Variants in DSCC1 observed in about 807,000 individuals in gnomAD.
DSCC1 encodes the protein DNA replication and sister chromatid cohesion 1, also known as sister chromatid cohesion protein DCC1.
In DSCC1, 32 loss-of-function variants were observed where a neutral mutation model predicts 48.2. The observed-to-expected ratio is 0.66, with a 90% CI of 0.50 to 0.89. The LOEUF (loss-of-function observed/expected upper bound fraction) is 0.89, where lower values mean the gene tolerates loss of function less well. DSCC1 is among the 40% of genes least tolerant of loss of function. DSCC1 has a pLI of 0.00. For missense variants in DSCC1, 421 were observed against 471.7 expected (o/e 0.89, Z 1.00); for synonymous variants, 150 against 171.5 (o/e 0.87, Z 0.98).
At chr8:119,850,610 AC>A (rs1826930415) in intron 2 of DSCC1, 94 bp from the exon 3 acceptor site, 1 of 1,166,234 alleles carries the variant, frequency 8.6e-7, no homozygotes, top group African/African-American at 1.6e-5. Flanking sequence ...CTCAACAAGT[AC>A]AAAGGAAGCT....
chr8:119,846,794 A>G (rs1168890010), intron 4 of DSCC1, among the ~76,000 whole-genome samples, 196 bp downstream of exon 4: 1 of 152,190 alleles, frequency 6.6e-6, no homozygotes, highest in Non-Finnish European at 1.5e-5. Flanking sequence ...TCCTGGCCTC[A>G]AGTATCTGCC....
chr8:119,837,052 A>C (rs984038616), intron 8 of DSCC1, among the ~76,000 whole-genome samples: 2 of 152,216 alleles, frequency 1.3e-5, no homozygotes, highest in Non-Finnish European at 2.9e-5. Flanking sequence ...GGTAAAGGAA[A>C]GAATGGGAGG....
At chr8:119,837,926 A>C (rs1826710257) in intron 8 of DSCC1, among the ~76,000 whole-genome samples, 1 of 152,190 alleles carries the variant, frequency 6.6e-6, no homozygotes, top group African/African-American at 2.4e-5. Context: ...ATGTTAAATA[A>C]AGTAAGGCAT....
Position 119,841,495 on chromosome 8 carries a change from A to C in DSCC1, c.924+299T>G, listed in dbSNP as rs144689476. Among the ~76,000 whole-genome samples, 745 of 152,288 alleles carry C rather than the reference A, an allele frequency of 4.9e-3. 4 individuals carry two copies. Among genetic ancestry groups the C allele is most frequent in the African/African-American group, 0.016 (650 of 41,562 alleles). ...ATACACTGAGTAGGAAGAGGGATTA[A>C]CAGAAAATGGACCCAAGCGATCTTG... On this transcript the variant is annotated intron_variant, in intron 7 of 8. Transcript: ENST00000313655.
At chr8:119,847,849 G>C (rs1478415675) in intron 3 of DSCC1, among the ~76,000 whole-genome samples, 5 of 151,958 alleles carry the variant, frequency 3.3e-5, no homozygotes, top group Non-Finnish European at 5.9e-5. Context: ...ATTTTCAGTT[G>C]AGGCACGGTT....
chr8:119,855,042 A>G (rs1288478642), intron 1 of DSCC1, among the ~76,000 whole-genome samples: 1 of 152,140 alleles, frequency 6.6e-6, no homozygotes, highest in Non-Finnish European at 1.5e-5. Flanking sequence ...ACTTCTCAAG[A>G]CTGCCTTTAA....
chr8:119,847,929 T>G (rs755639206), intron 3 of DSCC1, among the ~76,000 whole-genome samples: 46 of 151,978 alleles, frequency 3.0e-4, no homozygotes, highest in Non-Finnish European at 6.0e-4. Context: ...TCCCCCAAAG[T>G]GCTTGGATTA....
At position 119,847,098 on chromosome 8, in the gene DSCC1, T is replaced by A. The variant is rs756233307; in HGVS notation, c.487-18A>T. Reference sequence around the variant, plus strand: ...GTTGTATACTGCAAAAAGAAAAAAATATTTTAAGGCCTTTGAAGAATATTT... The same window carrying A: ...GTTGTATACTGCAAAAAGAAAAAAAAATTTTAAGGCCTTTGAAGAATATTT... On this transcript the variant is annotated intron_variant, in intron 3 of 8. Transcript: ENST00000313655. 1 of 1,598,452 alleles carries A rather than the reference T, an allele frequency of 6.3e-7. No individual in the cohort carries two copies. The highest frequency in any genetic ancestry group is 1.3e-5 in the African/African-American group (1 of 74,620).
chr8:119,841,877 C>T lies in DSCC1; in HGVS notation c.841G>A (p.Val281Met), dbSNP rs896692232. Residue 281 changes from valine to methionine, a missense_variant, in exon 7 of 9, where the codon GTG (valine) becomes ATG (methionine). Physicochemically the swap from Val to Met is conservative, Grantham distance 21. This residue lies in a region of DSCC1 where 238 missense variants were observed against 259.0 expected (regional missense o/e 0.92). Coordinates refer to ENST00000313655, the MANE Select transcript of DSCC1 (RefSeq NM_024094.3). ...AAARMLLQNA[V>M]KFNLAEFQEV... ...TGAAACTCAGCGAGATTGAATTTCA[C>T]CGCATTCTGAAGTAGCATTCGTGCT... 2 of 1,614,156 alleles carry T rather than the reference C, an allele frequency of 1.2e-6. No homozygotes were observed. The highest frequency in any genetic ancestry group is 3.3e-5 in the Admixed American group (2 of 60,020).
rs1488447187 is a variant in DSCC1 at position 119,842,768 on chromosome 8, AATCTTACCTTC to A, written c.766_769+7del. ...AAGAGTTAAATGAGAATACTTTCCA[AATCTTACCTTC>A]ATCTACATATTTCTTCCCATAACAT... On this transcript the variant is annotated splice_donor_variant and splice_donor_5th_base_variant and coding_sequence_variant and intron_variant, in exon 6 of 9. Coordinates refer to ENST00000313655, the MANE Select transcript of DSCC1 (RefSeq NM_024094.3). LOFTEE classifies it high-confidence loss of function. 5 of 1,605,872 alleles carry A rather than the reference AATCTTACCTTC, an allele frequency of 3.1e-6. No homozygotes were observed. The highest frequency in any genetic ancestry group is 4.3e-6 in the Non-Finnish European group (5 of 1,174,500).
At chr8:119,839,740 C>G (rs1826739625) in intron 7 of DSCC1, 1 of 152,270 alleles carries the variant, frequency 6.6e-6, no homozygotes, top group Non-Finnish European at 1.5e-5. Context: ...ATCCTTTACT[C>G]CAGCCCATGC....
In DSCC1 at chr8:119,855,851, CAAGA is replaced by C; in HGVS notation, c.-60_-57del. 7.1e-7 allele frequency: 1 copy of C among 1,408,376 alleles called. No homozygotes were observed. The highest frequency in any genetic ancestry group is 9.3e-7 in the Non-Finnish European group (1 of 1,080,858). The allele number at this position is 1,408,376 out of a possible 1,614,324, so 87.2% of individuals were successfully genotyped here. On this transcript the variant is annotated 5_prime_UTR_variant, in exon 1 of 9. Coordinates refer to ENST00000313655, the MANE Select transcript of DSCC1 (RefSeq NM_024094.3). ...CCCGGGTGGCTGCGGGCTTGGCGGGCAAGAAAGAAGTTCCCAAGCAGCCGGAAGG... is the reference window on the plus strand; with the variant it reads ...CCCGGGTGGCTGCGGGCTTGGCGGGCAAGAAGTTCCCAAGCAGCCGGAAGG...
At chr8:119,848,922 A>C (rs956074092) in intron 3 of DSCC1, among the ~76,000 whole-genome samples, 1 of 151,332 alleles carries the variant, frequency 6.6e-6, no homozygotes, top group Non-Finnish European at 1.5e-5. Context: ...CGGTGGCTCA[A>C]GCCTGTAATC....
At chr8:119,837,172 A>G (rs371955363) in intron 8 of DSCC1, among the ~76,000 whole-genome samples, 11 of 152,206 alleles carry the variant, frequency 7.2e-5, no homozygotes, top group African/African-American at 2.4e-4. Flanking sequence ...AAGATGGGCA[A>G]TATTACAGAA....
intron 7 of DSCC1, chr8:119,840,328 G>C (rs543774552): frequency 1.3e-5 from 2 of 152,282 alleles, no homozygotes; most frequent in African/African-American, 4.8e-5. Flanking sequence ...TAAAACCAGA[G>C]GTCTTTGCTT....
chr8:119,842,788 A>G lies in DSCC1; in HGVS notation c.757T>C (p.Tyr253His), dbSNP rs1228803526. The change falls in exon 6 of 9, where the codon TAT becomes CAT. Residue 253 changes from tyrosine to histidine, a missense_variant. Transcript: ENST00000313655. ...EHCLKCYGKK[Y>H]VDEGEVYFEL... The stretch of plus-strand genomic sequence containing the variant: ...TTCCAAATCTTACCTTCATCTACAT[A>G]TTTCTTCCCATAACATTTAAGACAG... The G allele has an allele frequency of 2.5e-6, 4 of 1,604,570 alleles. No individual in the cohort carries two copies. The highest frequency in any genetic ancestry group is 3.4e-6 in the Non-Finnish European group (4 of 1,176,096).
intron 2 of DSCC1, 61 bp downstream of exon 2, chr8:119,852,986 C>A: frequency 7.1e-7 from 1 of 1,406,010 alleles, no homozygotes; most frequent in South Asian, 1.8e-5. Flanking sequence ...AACTAAAGAT[C>A]AAATTACCAT....
intron 2 of DSCC1, among the ~76,000 whole-genome samples, chr8:119,852,583 G>C (rs1036516075): frequency 2.0e-5 from 3 of 152,114 alleles, no homozygotes; most frequent in Non-Finnish European, 4.4e-5. Flanking sequence ...TCAAACTCCT[G>C]AGGTCCGACA....
intron 7 of DSCC1, 46 bp from the exon 8 acceptor site, chr8:119,838,453 T>A (rs779337859): frequency 6.7e-7 from 1 of 1,485,670 alleles, no homozygotes; most frequent in Non-Finnish European, 8.9e-7. Context: ...AATGTTGTAA[T>A]GTTTAAACAT....
Sources: allele counts gnomAD v4.1 joint callset (sites outside exome capture counted in the v4.1 genomes callset), GRCh38; gene constraint gnomAD v4.1.1; regional missense constraint gnomAD v4.1.1; transcripts MANE v1.5; gene names NCBI Gene and HGNC (gene_info 2026-07-23, HGNC 2026-07-21).